Variants in MYO16 observed in about 807,000 individuals in gnomAD.
MYO16 encodes the protein unconventional myosin-XVI.
A neutral mutation model predicts 205.3 loss-of-function variants in MYO16; 94 were observed. That is an observed-to-expected ratio of 0.46 (90% CI 0.39 to 0.54). The LOEUF is 0.54. MYO16 is among the 20% of genes least tolerant of loss of function. The pLI, the probability that MYO16 is intolerant of heterozygous loss-of-function variation, is 0.00. For missense variants in MYO16, 2,315 were observed against 2,387.5 expected (o/e 0.97, Z 0.63); for synonymous variants, 988 against 954.0 (o/e 1.04, Z -0.66).
intron 27 of MYO16, among the ~76,000 whole-genome samples, chr13:109,093,756 TTGCCTTGGACCAA>T (rs1299150872): frequency 6.6e-6 from 1 of 152,152 alleles, no homozygotes; most frequent in Non-Finnish European, 1.5e-5. Flanking sequence ...TCCGTCGCCA[TTGCCTTGGACCAA>T]TGCCTCTCAC....
chr13:108,775,570 A>G (rs1489442639), intron 4 of MYO16, among the ~76,000 whole-genome samples: 1 of 152,038 alleles, frequency 6.6e-6, no homozygotes, highest in Admixed American at 6.6e-5. Flanking sequence ...CTGATTCCTA[A>G]CCTCGTGGGT....
chr13:108,878,530 G>A (rs1464820714), intron 12 of MYO16, among the ~76,000 whole-genome samples: 1 of 152,182 alleles, frequency 6.6e-6, no homozygotes, highest in African/African-American at 2.4e-5. Flanking sequence ...AAGTCCGTGT[G>A]TGATCTGATT....
chr13:108,779,830 C>T (rs549553651), intron 4 of MYO16: 4 of 152,356 alleles, frequency 2.6e-5, no homozygotes, highest in Non-Finnish European at 4.4e-5. Context: ...GACCCAACAC[C>T]GTTCCAGCTG....
intron 1 of MYO16, among the ~76,000 whole-genome samples, chr13:108,603,441 A>C (rs906819303): frequency 1.3e-5 from 2 of 152,232 alleles, no homozygotes; most frequent in African/African-American, 4.8e-5. Flanking sequence ...CATCAATTTC[A>C]TATACAACTT....
chr13:108,581,364 C>T, the MYO16 span, among the ~76,000 whole-genome samples: 7 of 152,274 alleles, frequency 4.6e-5, no homozygotes, highest in Non-Finnish European at 7.4e-5. Flanking sequence ...ATGATATAGA[C>T]ATATAATATG....
chr13:108,879,941 T>C (rs892648780), intron 12 of MYO16, among the ~76,000 whole-genome samples: 7 of 152,222 alleles, frequency 4.6e-5, no homozygotes, highest in African/African-American at 1.7e-4. Context: ...GGCCACACTG[T>C]CTTCCACAAT....
intron 16 of MYO16, among the ~76,000 whole-genome samples, chr13:108,918,630 A>G (rs1447143422): frequency 6.6e-6 from 1 of 152,154 alleles, no homozygotes; most frequent in Non-Finnish European, 1.5e-5. Flanking sequence ...TGAGGAGGTG[A>G]CGGCCAGCTG....
chr13:109,129,546 T>C (rs1594109896), intron 31 of MYO16, among the ~76,000 whole-genome samples: 1 of 152,164 alleles, frequency 6.6e-6, no homozygotes, highest in East Asian at 1.9e-4. Context: ...CCGTTGCCAC[T>C]GTTCCTACTT....
At chr13:109,176,599 A>AAAAAAAAAAAAAAAAAAAAAAC (rs1879197951) in intron 33 of MYO16, among the ~76,000 whole-genome samples, 2 of 149,582 alleles carry the variant, frequency 1.3e-5, no homozygotes, top group Admixed American at 6.6e-5. Context: ...AAAAAAAAAA[A>AAAAAAAAAAAAAAAAAAAAAAC]AAGACCTCCT....
At chr13:108,741,880 A>G (rs1884921213) in intron 4 of MYO16, among the ~76,000 whole-genome samples, 2 of 152,232 alleles carry the variant, frequency 1.3e-5, no homozygotes, top group South Asian at 2.1e-4. Flanking sequence ...GGGCCTCATC[A>G]TAATTTACAT....
chr13:108,666,696 C>T (rs1378302866), intron 2 of MYO16, among the ~76,000 whole-genome samples: 2 of 152,166 alleles, frequency 1.3e-5, no homozygotes, highest in South Asian at 4.1e-4. Flanking sequence ...CTTTCCCCGA[C>T]TCTCAGGAGT....
intron 16 of MYO16, among the ~76,000 whole-genome samples, chr13:108,916,315 G>A (rs1272523943): frequency 1.3e-5 from 2 of 152,212 alleles, no homozygotes; most frequent in African/African-American, 4.8e-5. Flanking sequence ...GTGCAAGGCT[G>A]TGTCTGTATT....
At chr13:109,171,089 T>C (rs959957376) in intron 33 of MYO16, among the ~76,000 whole-genome samples, 2 of 152,236 alleles carry the variant, frequency 1.3e-5, no homozygotes, top group South Asian at 4.1e-4. Context: ...ACTTTCCCCA[T>C]GATTTTTAAA....
intron 3 of MYO16, among the ~76,000 whole-genome samples, chr13:108,715,918 T>A (rs1345013428): frequency 1.3e-5 from 2 of 151,978 alleles, no homozygotes; most frequent in African/African-American, 4.8e-5. Context: ...ATGTGGCTTT[T>A]TCTCTCTGCT....
At chr13:108,536,369 G>A in the MYO16 span, among the ~76,000 whole-genome samples, 1 of 151,706 alleles carries the variant, frequency 6.6e-6, no homozygotes, top group Non-Finnish European at 1.5e-5. Context: ...AGCTGGGGAG[G>A]GGACAAGTTG....
chr13:108,655,985 A>G (rs1234509153), intron 1 of MYO16, among the ~76,000 whole-genome samples: 1 of 152,122 alleles, frequency 6.6e-6, no homozygotes, highest in African/African-American at 2.4e-5. Flanking sequence ...CTTGTTTCAG[A>G]TGAGACTTTG....
intron 3 of MYO16, among the ~76,000 whole-genome samples, chr13:108,717,924 C>G (rs1195440684): frequency 1.3e-5 from 2 of 152,094 alleles, no homozygotes; most frequent in Non-Finnish European, 2.9e-5. Flanking sequence ...TATAATAAAA[C>G]CAACATATAA....
intron 6 of MYO16, among the ~76,000 whole-genome samples, chr13:108,802,700 A>G (rs943637152): frequency 1.3e-5 from 2 of 152,188 alleles, no homozygotes; most frequent in Non-Finnish European, 2.9e-5. Context: ...CCAGTAACAT[A>G]CAGATATTCC....
intron 1 of MYO16, among the ~76,000 whole-genome samples, chr13:108,641,130 C>T (rs1477385771): frequency 1.3e-5 from 2 of 152,164 alleles, no homozygotes; most frequent in African/African-American, 4.8e-5. Context: ...TTTGTGGTTG[C>T]AAAAGCTTAT....
Sources: gnomAD v4.1 joint callset for allele counts (sites outside exome capture counted in the v4.1 genomes callset) on GRCh38, gnomAD v4.1.1 for gene constraint, MANE v1.5 for transcripts, NCBI Gene and HGNC (gene_info 2026-07-23, HGNC 2026-07-21) for gene names.